The following ATXN7 variants were observed in gnomAD, a reference collection of about 807,000 sequenced individuals.
The protein encoded by ATXN7 is ataxin-7.
Under a neutral mutation model 70.5 loss-of-function variants are expected in ATXN7, and 12 were observed. The ratio of observed to expected loss-of-function variants is 0.17; its 90% CI spans 0.11 to 0.28. The LOEUF is 0.28. Among genes scored for constraint, ATXN7 ranks in the 10% least tolerant of loss-of-function variants. The pLI is 1.00. For missense variants in ATXN7, 1,256 were observed against 1,131.7 expected (o/e 1.11, Z -1.58); for synonymous variants, 498 against 448.7 (o/e 1.11, Z -1.39).
chr3:63,954,391 T>C (rs2075004396), intron 5 of ATXN7, among the ~76,000 whole-genome samples: 1 of 152,192 alleles, frequency 6.6e-6, no homozygotes, highest in African/African-American at 2.4e-5. Context: ...CGAGTCACCA[T>C]TGGCCAGAAC....
At chr3:63,869,934 A>G (rs1468811310) in intron 1 of ATXN7, among the ~76,000 whole-genome samples, 1 of 152,184 alleles carries the variant, frequency 6.6e-6, no homozygotes, top group East Asian at 1.9e-4. Flanking sequence ...GGCAGGTTAT[A>G]TCAAAATCTT....
At position 63,995,493 on chromosome 3, in the gene ATXN7, A is replaced by G. The variant is rs1238122985; in HGVS notation, c.1683-12A>G. On this transcript the variant is annotated splice_polypyrimidine_tract_variant and intron_variant, in intron 11 of 12. Transcript: ENST00000674280. Reference sequence around the variant, plus strand: ...TGGTCAGTGTCATTCACTGTCCTCTAATTTTTTTCAGGAAAATCCCACCAG... The same window carrying G: ...TGGTCAGTGTCATTCACTGTCCTCTGATTTTTTTCAGGAAAATCCCACCAG... 18 of 1,613,422 alleles carry G rather than the reference A, an allele frequency of 1.1e-5. No individual in the cohort carries two copies. Among genetic ancestry groups the G allele is most frequent in the African/African-American group, 2.7e-5 (2 of 74,856 alleles).
chr3:63,928,035 G>A (rs1429834589), intron 4 of ATXN7, among the ~76,000 whole-genome samples: 4 of 152,140 alleles, frequency 2.6e-5, no homozygotes, highest in Non-Finnish European at 4.4e-5. Context: ...GTTACGCTAG[G>A]GTAACAAATA....
chr3:63,944,171 C>T (rs576751226), intron 4 of ATXN7, among the ~76,000 whole-genome samples: 21 of 152,254 alleles, frequency 1.4e-4, no homozygotes, highest in Admixed American at 7.2e-4. Flanking sequence ...CCCGTATCTG[C>T]GGGGGATACT....
upstream of ATXN7, chr3:63,863,547 C>T: frequency 8.4e-7 from 1 of 1,195,014 alleles, no homozygotes. Context: ...CGGGGAAAGC[C>T]GAGGGTCTCC....
At chr3:63,925,464 C>G (rs1413072204) in intron 4 of ATXN7, among the ~76,000 whole-genome samples, 2 of 152,142 alleles carry the variant, frequency 1.3e-5, no homozygotes, top group Admixed American at 1.3e-4. Context: ...AGCACAAACT[C>G]TGTTGTGAAC....
chr3:63,998,202 G>C lies in ATXN7; in HGVS notation c.2662-1248G>C, dbSNP rs552538374. On this transcript the variant is annotated intron_variant, in intron 12 of 12. Coordinates refer to ENST00000674280, the MANE Select transcript of ATXN7 (RefSeq NM_001377405.1). The stretch of plus-strand genomic sequence containing the variant: ...CCACAAGTAACAAAAAGGACAGAAG[G>C]GGGGGGGGCCAGGTGGGGCACAGCA... 6.2e-5 allele frequency: 59 copies of C among 951,096 alleles called. No homozygotes were observed. In the East Asian group the frequency reaches 1.2e-3, roughly 20 times the overall value. 58.9% of individuals were successfully genotyped at this position (951,096 alleles called of 1,614,324 possible).
chr3:63,915,588 G>A (rs1168654874), intron 4 of ATXN7, among the ~76,000 whole-genome samples: 1 of 152,120 alleles, frequency 6.6e-6, no homozygotes, highest in Non-Finnish European at 1.5e-5. Flanking sequence ...ATGTTTTGAA[G>A]TTGAATCCAT....
intron 4 of ATXN7, among the ~76,000 whole-genome samples, chr3:63,918,049 A>C (rs1704353870): frequency 6.6e-6 from 1 of 152,204 alleles, no homozygotes; most frequent in Admixed American, 6.5e-5. Context: ...AAGAAGTAGA[A>C]TAGCAACCCA....
chr3:63,960,288 G>A (rs1001798924), intron 5 of ATXN7, among the ~76,000 whole-genome samples: 3 of 152,190 alleles, frequency 2.0e-5, no homozygotes, highest in Non-Finnish European at 4.4e-5. Context: ...GAGGAAAGGG[G>A]TCCAAGTTGA....
At chr3:63,866,445 A>G (rs1278465793) in intron 1 of ATXN7, among the ~76,000 whole-genome samples, 2 of 151,986 alleles carry the variant, frequency 1.3e-5, no homozygotes, top group Admixed American at 6.6e-5. Flanking sequence ...TTGTAGAGAC[A>G]TGATCTCACT....
intron 11 of ATXN7, among the ~76,000 whole-genome samples, chr3:63,991,776 G>A (rs75232727): frequency 0.022 from 3,307 of 151,746 alleles, 38 homozygotes; most frequent in Non-Finnish European, 0.033. Context: ...ATTTTAAGTG[G>A]AAGAAGAGTT....
At chr3:63,988,527 C>T in intron 9 of ATXN7, 1 of 656,026 alleles carries the variant, frequency 1.5e-6, no homozygotes, top group African/African-American at 1.8e-5. Flanking sequence ...GTTGTAAATG[C>T]AAGCAGCAAA....
chr3:63,993,137 C>T (rs560962321), intron 11 of ATXN7, among the ~76,000 whole-genome samples: 2 of 152,172 alleles, frequency 1.3e-5, no homozygotes, highest in East Asian at 3.9e-4. Flanking sequence ...ACTTTCTCTG[C>T]AGCATGGCCA....
rs955369651 is a variant in ATXN7, at chr3:63,884,662, T to TG, written c.-110-13730dup. Reference sequence around the variant, plus strand: ...TTTTTTTTTTTCTTTCTTATTTTTTTGGGGGGGATCAGGTTCTCCATCTGT... The same window carrying TG: ...TTTTTTTTTTTCTTTCTTATTTTTTTGGGGGGGGATCAGGTTCTCCATCTGT... On this transcript the variant is annotated intron_variant, in intron 1 of 12. Transcript: ENST00000674280. 4.0e-5 allele frequency among the ~76,000 whole-genome samples: 6 copies of TG among 151,734 alleles called. No homozygotes were observed. In the South Asian group the frequency reaches 8.3e-4, roughly 21 times the overall value.
At chr3:63,918,973 G>A (rs1278732306) in intron 4 of ATXN7, among the ~76,000 whole-genome samples, 1 of 152,150 alleles carries the variant, frequency 6.6e-6, no homozygotes, top group African/African-American at 2.4e-5. Context: ...GACAGCTCCT[G>A]TGCGTGTCTC....
At chr3:63,951,581 CT>C (rs1166643946) in intron 4 of ATXN7, among the ~76,000 whole-genome samples, 3 of 152,200 alleles carry the variant, frequency 2.0e-5, no homozygotes, top group Non-Finnish European at 2.9e-5. Flanking sequence ...TGGATCTGAA[CT>C]TTTAGCTCTG....
Position 63,892,383 on chromosome 3 carries a change from C to G in ATXN7, c.-110-6016C>G, listed in dbSNP as rs888210657. Among the ~76,000 whole-genome samples, 32 of 146,752 alleles carry G rather than the reference C, an allele frequency of 2.2e-4. No individual in the cohort carries two copies. In the South Asian group the frequency reaches 3.5e-3, roughly 16 times the overall value. On this transcript the variant is annotated intron_variant, in intron 1 of 12. Coordinates refer to ENST00000674280, the MANE Select transcript of ATXN7 (RefSeq NM_001377405.1). ...TTTAAAGACACCTCTACCACACACA[C>G]ACACACACACACACACACACACACA... is the stretch of plus-strand genomic sequence containing the variant.
chr3:63,868,607 A>G (rs1702504847), intron 1 of ATXN7, among the ~76,000 whole-genome samples: 1 of 152,158 alleles, frequency 6.6e-6, no homozygotes, highest in South Asian at 2.1e-4. Flanking sequence ...CCAAATATAG[A>G]TATTTAGAGG....
Sources: gnomAD v4.1 joint callset for allele counts (sites outside exome capture counted in the v4.1 genomes callset) on GRCh38, gnomAD v4.1.1 for gene constraint, MANE v1.5 for transcripts, NCBI Gene and HGNC (gene_info 2026-07-23, HGNC 2026-07-21) for gene names.